The following INPP5F variants were observed in gnomAD, a reference collection of about 807,000 sequenced individuals.
INPP5F encodes the protein inositol polyphosphate-5-phosphatase F.
Under a neutral mutation model 137.2 loss-of-function variants are expected in INPP5F, and 97 were observed. The ratio of observed to expected loss-of-function variants is 0.71; its 90% CI spans 0.60 to 0.84. INPP5F has a LOEUF of 0.84. Ranked by LOEUF, INPP5F falls within the 40% of genes least tolerant of loss-of-function variation. The pLI is 0.00. For missense variants in INPP5F, 1,271 were observed against 1,371.9 expected, an observed-to-expected ratio of 0.93 and a Z score of 1.16; for synonymous variants, 504 against 476.9, an observed-to-expected ratio of 1.06 and a Z score of -0.74.
At chr10:119,750,508 C>T (rs977841209) in intron 1 of INPP5F, among the ~76,000 whole-genome samples, 2 of 152,218 alleles carry the variant, frequency 1.3e-5, no homozygotes, top group Admixed American at 1.3e-4. Context: ...AAACAAATCA[C>T]TGTTCTGTGG....
intron 6 of INPP5F, chr10:119,793,529 A>G (rs1448613141): frequency 1.3e-5 from 2 of 151,464 alleles, no homozygotes; most frequent in Non-Finnish European, 2.9e-5. Flanking sequence ...TACGGAGATA[A>G]GAGAGAAAGG....
rs1034758049 is a variant in INPP5F at position 119,748,230 on chromosome 10, G to A, written c.98-2846G>A. Among the ~76,000 whole-genome samples, 1 of 152,226 alleles carries A rather than the reference G, an allele frequency of 6.6e-6. No individual in the cohort carries two copies. The highest frequency in any genetic ancestry group is 2.4e-5 in the African/African-American group (1 of 41,462). Reference sequence around the variant, plus strand: ...ACTGGCTTTGTGCAAGGCTGTGGCTGGACCAGGTGTACCACAAGCAGTTTC... The same window carrying A: ...ACTGGCTTTGTGCAAGGCTGTGGCTAGACCAGGTGTACCACAAGCAGTTTC... On this transcript the variant is annotated intron_variant, in intron 1 of 19. Transcript: ENST00000650623. The surrounding 1 kb of genome is among the most constrained non-coding windows in gnomAD (Gnocchi z 4.7).
At chr10:119,793,570 C>T (rs894849776) in intron 6 of INPP5F, 1 of 152,210 alleles carries the variant, frequency 6.6e-6, no homozygotes, top group Admixed American at 6.5e-5. Flanking sequence ...GCATTTTTAT[C>T]CTTTACTGTC....
intron 9 of INPP5F, 152 bp downstream of exon 9, chr10:119,798,762 T>C: frequency 2.5e-6 from 1 of 397,746 alleles, no homozygotes; most frequent in Non-Finnish European, 4.4e-6. Flanking sequence ...TAATATTCTT[T>C]AAGAATAATC....
chr10:119,822,604 A>G lies in INPP5F; in HGVS notation c.2032+100A>G. 1.0e-5 allele frequency: 6 copies of G among 587,012 alleles called. No individual in the cohort carries two copies. The South Asian group carries it at 1.2e-4, about 12-fold the overall frequency. 36.4% of individuals were successfully genotyped at this position (587,012 alleles called of 1,614,324 possible). A position where few individuals can be genotyped will look rare whatever the true frequency, so the allele number is the denominator to read the frequency against. On this transcript the variant is annotated intron_variant, in intron 17 of 19. Transcript: ENST00000650623. ...CAAGAACCTGGTTTAAGTTTCACCTACAAATGCTTTTCTTCACTATTATTT... is the reference window on the plus strand; with the variant it reads ...CAAGAACCTGGTTTAAGTTTCACCTGCAAATGCTTTTCTTCACTATTATTT...
intron 2 of INPP5F, among the ~76,000 whole-genome samples, chr10:119,777,911 A>G (rs1274807659): frequency 1.3e-5 from 2 of 152,242 alleles, no homozygotes; most frequent in Admixed American, 6.5e-5. Flanking sequence ...CGCTTAAAGC[A>G]TATCTCCAAA....
intron 1 of INPP5F, among the ~76,000 whole-genome samples, chr10:119,729,018 G>A (rs979701266): frequency 3.3e-5 from 5 of 152,084 alleles, no homozygotes; most frequent in Non-Finnish European, 5.9e-5. Context: ...CAGAGAAGGC[G>A]TTTTTGTTTG....
intron 15 of INPP5F, among the ~76,000 whole-genome samples, chr10:119,817,842 A>T (rs1431408342): frequency 6.6e-6 from 1 of 152,208 alleles, no homozygotes; most frequent in African/African-American, 2.4e-5. Context: ...TTTTGATTTT[A>T]AAAAATATTG....
chr10:119,764,630 G>A (rs196195), intron 2 of INPP5F, among the ~76,000 whole-genome samples: 52,422 of 149,736 alleles, frequency 0.35, 9,549 homozygotes, highest in South Asian at 0.46. Context: ...TGCCTAGGCC[G>A]GAGTGCAGTG....
At chr10:119,743,267 C>T (rs115444328) in intron 1 of INPP5F, among the ~76,000 whole-genome samples, 1 of 152,188 alleles carries the variant, frequency 6.6e-6, no homozygotes, top group African/African-American at 2.4e-5. Context: ...TTGCCTCCCC[C>T]CTTTCTACAT....
At chr10:119,777,231 G>A (rs1471685419) in intron 2 of INPP5F, among the ~76,000 whole-genome samples, 8 of 152,120 alleles carry the variant, frequency 5.3e-5, no homozygotes, top group South Asian at 2.1e-4. Flanking sequence ...AGAAATGGCC[G>A]GGCGCAGTGG....
At chr10:119,797,387 T>C in intron 7 of INPP5F, 74 bp from the exon 8 acceptor site, 2 of 1,165,880 alleles carry the variant, frequency 1.7e-6, no homozygotes, top group Non-Finnish European at 2.4e-6. Context: ...ATACATTTGA[T>C]TAGGAAGCAT....
At chr10:119,756,740 T>G (rs563993578) in intron 2 of INPP5F, among the ~76,000 whole-genome samples, 7 of 152,270 alleles carry the variant, frequency 4.6e-5, no homozygotes, top group African/African-American at 1.7e-4. Context: ...ATTAGTAGCG[T>G]TAGTGAAAGT....
rs772314787 is a variant in INPP5F at position 119,798,596 on chromosome 10, A to G, written c.1102A>G (p.Ile368Val). The change falls in exon 9 of 20, where the codon ATT becomes GTT. Residue 368 changes from isoleucine to valine, a missense_variant. Physicochemically the swap from Ile to Val is conservative, Grantham distance 29. This residue lies in a region of INPP5F where 593 missense variants were observed against 712.4 expected (regional missense o/e 0.83). Coordinates refer to ENST00000650623, the MANE Select transcript of INPP5F (RefSeq NM_014937.4). ...TGCCCATTTCGAAGAACAACTGAAC[A>G]TTTACAAAAAACAGGTGGGCTTTGA... ...FCAHFEEQLN[I>V]YKKQVIINLV... is the part of the protein sequence containing the mutation. 3 of 1,611,578 alleles carry G rather than the reference A, an allele frequency of 1.9e-6. No individual in the cohort carries two copies. Among genetic ancestry groups the G allele is most frequent in the African/African-American group, 2.7e-5 (2 of 74,866 alleles).
chr10:119,752,812 C>T (rs974546362), intron 2 of INPP5F, among the ~76,000 whole-genome samples: 1 of 151,742 alleles, frequency 6.6e-6, no homozygotes, highest in Admixed American at 6.6e-5. Flanking sequence ...TGTTTTTGTT[C>T]TTTCACTTAT....
chr10:119,829,034 T>C lies in INPP5F; in HGVS notation c.*1254T>C, dbSNP rs913822268. On this transcript the variant is annotated 3_prime_UTR_variant, in exon 20 of 20. Coordinates refer to ENST00000650623, the MANE Select transcript of INPP5F (RefSeq NM_014937.4). ...AAGTGACTGATTCTCAACTGAACATTATGTCGTTACTTTGATAAGCATTCC... is the reference window on the plus strand; with the variant it reads ...AAGTGACTGATTCTCAACTGAACATCATGTCGTTACTTTGATAAGCATTCC... 6.6e-6 allele frequency: 1 copy of C among 152,648 alleles called. No homozygotes were observed. The highest frequency in any genetic ancestry group is 1.5e-5 in the Non-Finnish European group (1 of 68,042). 9.5% of individuals were successfully genotyped at this position (152,648 alleles called of 1,614,324 possible). A position where few individuals can be genotyped will look rare whatever the true frequency, so the allele number is the denominator to read the frequency against.
rs189341123 is a variant in INPP5F at position 119,726,378 on chromosome 10, G to T, written c.97+19G>T. ...CGACCCGGTGAGGCTGGCGGTGCGGGCGGGGGGCACCCCGGGCCAGGGCGG... is the reference window on the plus strand; with the variant it reads ...CGACCCGGTGAGGCTGGCGGTGCGGTCGGGGGGCACCCCGGGCCAGGGCGG... On this transcript the variant is annotated intron_variant, in intron 1 of 19. Transcript: ENST00000650623. The T allele has an allele frequency of 2.4e-3, 3,146 of 1,296,426 alleles. 74 individuals carry two copies. In the African/African-American group the frequency reaches 0.044, roughly 18 times the overall value. 80.3% of individuals were successfully genotyped at this position (1,296,426 alleles called of 1,614,324 possible).
intron 2 of INPP5F, among the ~76,000 whole-genome samples, chr10:119,752,585 C>CAAA (rs1295801342): frequency 3.3e-5 from 2 of 61,492 alleles, no homozygotes; most frequent in African/African-American, 5.0e-5. Flanking sequence ...AACTCCATCT[C>CAAA]AAAAAAAAAA....
chr10:119,768,807 C>T (rs965455888), intron 2 of INPP5F, among the ~76,000 whole-genome samples: 1 of 152,142 alleles, frequency 6.6e-6, no homozygotes, highest in African/African-American at 2.4e-5. Context: ...TACCCTTGTT[C>T]CTCACATGAA....
Sources: allele counts gnomAD v4.1 joint callset (sites outside exome capture counted in the v4.1 genomes callset), GRCh38; gene constraint gnomAD v4.1.1; regional missense constraint gnomAD v4.1.1; non-coding constraint Gnocchi (gnomAD v3.1); transcripts MANE v1.5; gene names NCBI Gene and HGNC (gene_info 2026-07-23, HGNC 2026-07-21).